The following PITPNC1 variants were observed in gnomAD, a reference collection of about 807,000 sequenced individuals.
PITPNC1 encodes cytoplasmic phosphatidylinositol transfer protein 1.
PITPNC1 carries 18 observed loss-of-function variants against 44.7 expected under a neutral mutation model. That is an observed-to-expected ratio of 0.40 (90% CI 0.28 to 0.60). PITPNC1 has a LOEUF of 0.60. Ranked by LOEUF, PITPNC1 falls within the 20% of genes least tolerant of loss-of-function variation. The pLI, the probability that PITPNC1 is intolerant of heterozygous loss-of-function variation, is 0.39. For synonymous variants in PITPNC1, 141 were observed against 149.6 expected, an observed-to-expected ratio of 0.94 and a Z score of 0.42; for missense variants, 290 against 418.4, an observed-to-expected ratio of 0.69 and a Z score of 2.68.
At chr17:67,528,978 T>C (rs2040425772) in intron 1 of PITPNC1, among the ~76,000 whole-genome samples, 1 of 151,988 alleles carries the variant, frequency 6.6e-6, no homozygotes, top group Non-Finnish European at 1.5e-5. Context: ...CCTGATTTCC[T>C]TAGGAGGGGA....
At chr17:67,530,314 A>C (rs1027366699) in intron 1 of PITPNC1, among the ~76,000 whole-genome samples, 1 of 151,766 alleles carries the variant, frequency 6.6e-6, no homozygotes, top group Non-Finnish European at 1.5e-5. Context: ...GATGGTCTCT[A>C]TCTCCTGACC....
intron 5 of PITPNC1, among the ~76,000 whole-genome samples, chr17:67,598,997 A>AATACATAC (rs1410256347): frequency 4.3e-5 from 2 of 46,990 alleles, no homozygotes; most frequent in Middle Eastern, 0.011. Flanking sequence ...AACTATAAGA[A>AATACATAC]ATACATATAT....
At chr17:67,498,861 T>A (rs2039990337) in intron 1 of PITPNC1, among the ~76,000 whole-genome samples, 1 of 137,574 alleles carries the variant, frequency 7.3e-6, no homozygotes, top group African/African-American at 2.7e-5. Context: ...TCTTTGTTTT[T>A]TTTTTTGTTT....
chr17:67,626,834 A>G (rs1470491015), intron 5 of PITPNC1, among the ~76,000 whole-genome samples: 1 of 151,626 alleles, frequency 6.6e-6, no homozygotes, highest in Non-Finnish European at 1.5e-5. Context: ...AAAAAAAAAA[A>G]ACCTAAGATC....
chr17:67,696,191 C>T lies in PITPNC1; in HGVS notation c.*3303C>T, dbSNP rs905250928. ...CACAGTTGTGGGTATATTATGCAGA[C>T]ACTTACCACAATACCTGCAAAAGTA... On this transcript the variant is annotated 3_prime_UTR_variant, in exon 9 of 9. Transcript: ENST00000581322. 8.5e-5 allele frequency: 13 copies of T among 152,164 alleles called. No homozygotes were observed. The highest frequency in any genetic ancestry group is 1.8e-4 in the Non-Finnish European group (12 of 68,034). 9.4% of individuals were successfully genotyped at this position (152,164 alleles called of 1,614,324 possible). A position where few individuals can be genotyped will look rare whatever the true frequency, so the allele number is the denominator to read the frequency against.
chr17:67,511,076 T>C (rs911815116), intron 1 of PITPNC1, among the ~76,000 whole-genome samples: 2 of 152,152 alleles, frequency 1.3e-5, no homozygotes, highest in African/African-American at 4.8e-5. Context: ...CGCGTTTGCA[T>C]TTTAGCAAAA....
chr17:67,419,762 C>T (rs62084089), intron 1 of PITPNC1, among the ~76,000 whole-genome samples: 5,176 of 152,120 alleles, frequency 0.034, 131 homozygotes, highest in Non-Finnish European at 0.056. Flanking sequence ...AAAAATTAGT[C>T]GGGTATGGTG....
intron 5 of PITPNC1, among the ~76,000 whole-genome samples, chr17:67,603,879 A>G (rs2570036): frequency 0.42 from 63,290 of 151,600 alleles, 16,223 homozygotes; most frequent in African/African-American, 0.73. Flanking sequence ...GCAGTAAGCC[A>G]AGATCCAAGA....
At chr17:67,475,049 T>C (rs1170829486) in intron 1 of PITPNC1, among the ~76,000 whole-genome samples, 1 of 152,214 alleles carries the variant, frequency 6.6e-6, no homozygotes, top group African/African-American at 2.4e-5. Context: ...GTGTGAACAC[T>C]CAACGTTGAC....
intron 1 of PITPNC1, among the ~76,000 whole-genome samples, chr17:67,387,558 C>G (rs899331602): frequency 6.6e-6 from 1 of 152,090 alleles, no homozygotes; most frequent in Non-Finnish European, 1.5e-5. Context: ...CCCAGCTACT[C>G]GGGAGGCCAA....
intron 1 of PITPNC1, among the ~76,000 whole-genome samples, chr17:67,447,901 T>C (rs2039122149): frequency 6.6e-6 from 1 of 151,928 alleles, no homozygotes; most frequent in Non-Finnish European, 1.5e-5. Flanking sequence ...TCTCTTTCTT[T>C]CTTTCTTTCT....
At chr17:67,434,705 C>T (rs1381772078) in intron 1 of PITPNC1, among the ~76,000 whole-genome samples, 6 of 150,706 alleles carry the variant, frequency 4.0e-5, no homozygotes, top group African/African-American at 1.5e-4. Context: ...CCCAGCTACT[C>T]AGGAGGCTGA....
intron 1 of PITPNC1, among the ~76,000 whole-genome samples, chr17:67,474,129 C>T (rs570903175): frequency 4.6e-5 from 7 of 152,018 alleles, no homozygotes; most frequent in South Asian, 2.1e-4. Flanking sequence ...GAGGAATGGG[C>T]GGTGGATGGA....
At chr17:67,635,874 A>T (rs2042025789) in intron 6 of PITPNC1, among the ~76,000 whole-genome samples, 1 of 152,218 alleles carries the variant, frequency 6.6e-6, no homozygotes, top group Non-Finnish European at 1.5e-5. Context: ...TTGCCTCACG[A>T]GGATGCTTGG....
chr17:67,642,623 T>C (rs1175802871), intron 6 of PITPNC1, among the ~76,000 whole-genome samples: 2 of 152,128 alleles, frequency 1.3e-5, no homozygotes, highest in Admixed American at 6.6e-5. Flanking sequence ...CAAGGAACAA[T>C]GAGGTGTTCT....
intron 1 of PITPNC1, among the ~76,000 whole-genome samples, chr17:67,405,830 C>T (rs1019171431): frequency 6.6e-6 from 1 of 152,216 alleles, no homozygotes; most frequent in African/African-American, 2.4e-5. Flanking sequence ...TGGTCTTGAA[C>T]TCCTGAGCTC....
chr17:67,521,046 T>G (rs1412816020), intron 1 of PITPNC1, among the ~76,000 whole-genome samples: 1 of 152,176 alleles, frequency 6.6e-6, no homozygotes, highest in Non-Finnish European at 1.5e-5. Flanking sequence ...TGAAGACTAT[T>G]GTTACTCTCC....
Position 67,675,518 on chromosome 17 carries a change from T to C in PITPNC1, c.658T>C (p.Phe220Leu). 1 of 1,610,378 alleles carries C rather than the reference T, an allele frequency of 6.2e-7. No individual in the cohort carries two copies. Among genetic ancestry groups the C allele is most frequent in the Non-Finnish European group, 8.5e-7 (1 of 1,176,624 alleles). The change falls in exon 8 of 9, where the codon TTT (phenylalanine) becomes CTT (leucine). Residue 220 changes from phenylalanine (F) to leucine (L), a missense_variant. Transcript: ENST00000581322. ...TCTGCTGATTGGACATAGACAGGCT[T>C]TTGCATGGGTTGATGAGTGGTATGG... ...DILLIGHRQA[F>L]AWVDEWYDMT...
intron 5 of PITPNC1, among the ~76,000 whole-genome samples, chr17:67,621,311 G>A (rs1225847404): frequency 1.3e-5 from 2 of 151,734 alleles, no homozygotes; most frequent in Non-Finnish European, 2.9e-5. Flanking sequence ...AGGTTCAAGC[G>A]ATTCTCCTGC....
Sources: gnomAD v4.1 joint callset for allele counts (sites outside exome capture counted in the v4.1 genomes callset) on GRCh38, gnomAD v4.1.1 for gene constraint, MANE v1.5 for transcripts, NCBI Gene and HGNC (gene_info 2026-07-23, HGNC 2026-07-21) for gene names.